RAB3IP: variants seen among roughly 807,000 people sequenced by gnomAD.
The protein encoded by RAB3IP is rab-3A-interacting protein.
Under a neutral mutation model 59.1 loss-of-function variants are expected in RAB3IP, and 36 were observed. The ratio of observed to expected loss-of-function variants is 0.61; its 90% confidence interval spans 0.47 to 0.80. The LOEUF is 0.80. Ranked by LOEUF, RAB3IP falls within the 30% of genes least tolerant of loss-of-function variation. The pLI, the probability that RAB3IP is intolerant of heterozygous loss-of-function variation, is 0.00. For missense variants in RAB3IP, 511 were observed against 536.0 expected (o/e 0.95, Z 0.46); for synonymous variants, 207 against 191.2 (o/e 1.08, Z -0.68).
chr12:69,747,023 G>A (rs2136104957), intron 1 of RAB3IP, among the ~76,000 whole-genome samples: 1 of 152,154 alleles, frequency 6.6e-6, no homozygotes, highest in African/African-American at 2.4e-5. Flanking sequence ...TATACTACAG[G>A]ATTTATAGAT....
chr12:69,805,382 T>G (rs1287829768), intron 8 of RAB3IP, among the ~76,000 whole-genome samples: 1 of 152,134 alleles, frequency 6.6e-6, no homozygotes, highest in Non-Finnish European at 1.5e-5. Flanking sequence ...CTTATCAGCT[T>G]AAGGAGATTT....
intron 3 of RAB3IP, among the ~76,000 whole-genome samples, chr12:69,764,906 G>A (rs1394148035): frequency 6.6e-6 from 1 of 152,106 alleles, no homozygotes; most frequent in Non-Finnish European, 1.5e-5. Context: ...TGTGGTTATT[G>A]TAAATGAGAT....
intron 3 of RAB3IP, among the ~76,000 whole-genome samples, chr12:69,764,191 C>T (rs147559887): frequency 6.6e-6 from 1 of 152,138 alleles, no homozygotes; most frequent in African/African-American, 2.4e-5. Context: ...AATGGTGTTT[C>T]CTAGGTTTTT....
At chr12:69,806,284 A>G (rs1879253683) in intron 8 of RAB3IP, among the ~76,000 whole-genome samples, 1 of 152,188 alleles carries the variant, frequency 6.6e-6, no homozygotes, top group Non-Finnish European at 1.5e-5. Flanking sequence ...TTATTTGCAT[A>G]GAGGTGTTTA....
chr12:69,772,968 T>C (rs1162386864), intron 3 of RAB3IP, among the ~76,000 whole-genome samples: 1 of 152,208 alleles, frequency 6.6e-6, no homozygotes, highest in East Asian at 1.9e-4. Context: ...TAGCATTTCT[T>C]GTAAGATAAT....
intron 4 of RAB3IP, among the ~76,000 whole-genome samples, chr12:69,786,786 A>G (rs1038725978): frequency 2.4e-5 from 2 of 82,200 alleles, no homozygotes; most frequent in Non-Finnish European, 5.1e-5. Flanking sequence ...AGGGCCAGAA[A>G]TGCAGCTTAG....
chr12:69,779,035 G>C (rs1467741476), intron 3 of RAB3IP: 1 of 91,354 alleles, frequency 1.1e-5, no homozygotes, highest in Admixed American at 1.5e-4. Context: ...CTTGCAGTTT[G>C]ATCTCAGACT....
At chr12:69,806,036 CTT>C (rs1402343071) in intron 8 of RAB3IP, among the ~76,000 whole-genome samples, 4 of 152,198 alleles carry the variant, frequency 2.6e-5, no homozygotes, top group African/African-American at 7.2e-5. Context: ...AGGATTCCCT[CTT>C]TTTCTATTTA....
rs140352950 is a variant in RAB3IP, at chr12:69,770,824, A to G, written c.511-13896A>G. ...ATTGTATAATGATCAAATCAGACTAATTAGCATTGCCATCACCTCAAATAT... is the reference window on the plus strand; with the variant it reads ...ATTGTATAATGATCAAATCAGACTAGTTAGCATTGCCATCACCTCAAATAT... On this transcript the variant is annotated intron_variant, in intron 3 of 10. Transcript: ENST00000247833. Among the ~76,000 whole-genome samples, 34 of 152,370 alleles carry G rather than the reference A, an allele frequency of 2.2e-4. No homozygotes were observed. In the East Asian group the frequency reaches 6.0e-3, roughly 27 times the overall value.
intron 3 of RAB3IP, among the ~76,000 whole-genome samples, chr12:69,760,038 G>T (rs1177441468): frequency 1.3e-5 from 2 of 152,088 alleles, no homozygotes; most frequent in African/African-American, 2.4e-5. Flanking sequence ...CGGCTGGGAG[G>T]TGGAGGTTGT....
At position 69,821,276 on chromosome 12, in the gene RAB3IP, T is replaced by A. The variant is rs897208458; in HGVS notation, c.*5830T>A. 6 of 152,234 alleles carry A rather than the reference T, an allele frequency of 3.9e-5. No homozygotes were observed. Among genetic ancestry groups the A allele is most frequent in the African/African-American group, 1.4e-4 (6 of 41,466 alleles). The allele number at this position is 152,234 out of a possible 1,614,324, so 9.4% of individuals were successfully genotyped here. ...CCAAATCACAACTAGATTAGATTAC[T>A]ATTCAAGAGAATGATTCTCTACCGA... On this transcript the variant is annotated 3_prime_UTR_variant, in exon 11 of 11. Transcript: ENST00000247833.
intron 3 of RAB3IP, chr12:69,779,231 C>T (rs552865133): frequency 1.3e-4 from 18 of 143,974 alleles, no homozygotes; most frequent in Non-Finnish European, 2.7e-4. Context: ...TCCCTGACCC[C>T]TTGCGCTTCC....
rs781124071 is a variant in RAB3IP, at chr12:69,755,509, C to G, written c.101C>G (p.Thr34Ser). The G allele has an allele frequency of 1.4e-5, 22 of 1,613,998 alleles. No individual in the cohort carries two copies. Among genetic ancestry groups the G allele is most frequent in the Non-Finnish European group, 1.8e-5 (21 of 1,180,024 alleles). ...GVYESGTQEQ[T>S]TSPSVIYRPH... ...TATGAATCAGGAACTCAAGAGCAGA[C>G]TACCTCACCAAGTGTCATCTACCGG... is the stretch of plus-strand genomic sequence containing the variant. The change falls in exon 2 of 11, where the codon ACT (threonine) becomes AGT (serine). Residue 34 changes from threonine to serine, a missense_variant. Physicochemically the swap from Thr to Ser is moderately conservative, Grantham distance 58. Transcript: ENST00000247833.
chr12:69,764,301 A>G (rs570163149), intron 3 of RAB3IP, among the ~76,000 whole-genome samples: 11 of 152,202 alleles, frequency 7.2e-5, no homozygotes, highest in Non-Finnish European at 1.2e-4. Flanking sequence ...TCTTTAATCT[A>G]TCTTAATTTT....
chr12:69,789,821 G>A (rs1333673352), intron 4 of RAB3IP, among the ~76,000 whole-genome samples: 1 of 152,068 alleles, frequency 6.6e-6, no homozygotes, highest in African/African-American at 2.4e-5. Flanking sequence ...GTAATAGAAT[G>A]ATATAATAAT....
intron 3 of RAB3IP, among the ~76,000 whole-genome samples, chr12:69,766,295 A>G (rs1872182968): frequency 6.6e-6 from 1 of 152,158 alleles, no homozygotes; most frequent in African/African-American, 2.4e-5. Flanking sequence ...CCAATAATTC[A>G]TAGGTTTGTT....
chr12:69,757,742 A>G (rs1015095500), intron 3 of RAB3IP, among the ~76,000 whole-genome samples: 2 of 152,182 alleles, frequency 1.3e-5, no homozygotes, highest in African/African-American at 4.8e-5. Flanking sequence ...TCCCAAAGGA[A>G]AAGGATGTGG....
chr12:69,755,472 C>T lies in RAB3IP; in HGVS notation c.64C>T (p.Leu22Phe), dbSNP rs753819736. Reference sequence around the variant, plus strand: ...CCTTGCTTCACCTACTTCTCCGGACCTTCTTGGTGTGTATGAATCAGGAAC... The same window carrying T: ...CCTTGCTTCACCTACTTCTCCGGACTTTCTTGGTGTGTATGAATCAGGAAC... ...VNLASPTSPD[L>F]LGVYESGTQE... The change falls in exon 2 of 11, where the codon CTT becomes TTT. Residue 22 changes from leucine (L) to phenylalanine (F), a missense_variant. Coordinates refer to ENST00000247833, the MANE Select transcript of RAB3IP (RefSeq NM_022456.5). The T allele has an allele frequency of 1.9e-6, 3 of 1,613,982 alleles. No individual in the cohort carries two copies. In the African/African-American group the frequency reaches 4.0e-5, roughly 22 times the overall value.
rs539172566 is a variant in RAB3IP at position 69,794,374 on chromosome 12, G to A, written c.607-63G>A. 25 of 1,362,874 alleles carry A rather than the reference G, an allele frequency of 1.8e-5. No individual in the cohort carries two copies. In the South Asian group the frequency reaches 2.8e-4, roughly 15 times the overall value. 84.4% of individuals were successfully genotyped at this position (1,362,874 alleles called of 1,614,324 possible). The stretch of plus-strand genomic sequence containing the variant: ...TCTTTGCTTCAATTGTAAACATTTG[G>A]CAAGAACTTTTTGAAAACAAATGCT... On this transcript the variant is annotated intron_variant, in intron 4 of 10. Transcript: ENST00000247833.
Sources: allele counts gnomAD v4.1 joint callset (sites outside exome capture counted in the v4.1 genomes callset), GRCh38; gene constraint gnomAD v4.1.1; transcripts MANE v1.5; gene names NCBI Gene and HGNC (gene_info 2026-07-23, HGNC 2026-07-21).